Variants in ZFPM2 observed in about 807,000 individuals in gnomAD.
ZFPM2 encodes zinc finger protein, FOG family member 2, also known as zinc finger protein ZFPM2.
Under a neutral mutation model 98.6 loss-of-function variants are expected in ZFPM2, and 20 were observed. That is an observed-to-expected ratio of 0.20 (90% confidence interval 0.14 to 0.29). ZFPM2 has a LOEUF of 0.29. ZFPM2 is among the 10% of genes least tolerant of loss of function. The probability of loss-of-function intolerance (pLI) is 1.00; values close to 1 mark genes in which losing one functional copy is unlikely to be tolerated. For synonymous variants in ZFPM2, 518 were observed against 502.7 expected (o/e 1.03, Z -0.41); for missense variants, 1,310 against 1,388.6 (o/e 0.94, Z 0.90).
At chr8:105,518,729 T>C (rs1170716941) in intron 3 of ZFPM2, among the ~76,000 whole-genome samples, 9 of 152,224 alleles carry the variant, frequency 5.9e-5, no homozygotes, top group Non-Finnish European at 1.2e-4. Context: ...TTGAAAAATA[T>C]GTACTAGACA....
chr8:105,347,156 G>A (rs976576713), intron 1 of ZFPM2, among the ~76,000 whole-genome samples: 1 of 151,328 alleles, frequency 6.6e-6, no homozygotes, highest in Non-Finnish European at 1.5e-5. Context: ...AAACCCTTAG[G>A]TGTCAGATAG....
At chr8:105,528,140 C>A (rs560610298) in intron 3 of ZFPM2, among the ~76,000 whole-genome samples, 18 of 152,036 alleles carry the variant, frequency 1.2e-4, no homozygotes, top group Non-Finnish European at 2.4e-4. Flanking sequence ...GCCCTGAGCC[C>A]AGGTGGGAGA....
At position 105,507,346 on chromosome 8, in the gene ZFPM2, T is replaced by C. The variant is rs576619825; in HGVS notation, c.302-54017T>C. Among the ~76,000 whole-genome samples the C allele has an allele frequency of 2.6e-5, 4 of 152,308 alleles. No homozygotes were observed. The South Asian group carries it at 8.3e-4, about 32-fold the overall frequency. On this transcript the variant is annotated intron_variant, in intron 3 of 7. Transcript: ENST00000407775. ...AATGTGAGAATTTCTTCATGAATCC[T>C]TTTATTCAAACATGAAGAAATTATT...
chr8:105,362,679 CCT>C (rs1416217058), intron 1 of ZFPM2, among the ~76,000 whole-genome samples: 2 of 152,002 alleles, frequency 1.3e-5, no homozygotes, highest in African/African-American at 2.4e-5. Flanking sequence ...ATGGTGTTCC[CCT>C]GAGTGAATAA....
chr8:105,799,802 G>A (rs1329729322), intron 7 of ZFPM2, among the ~76,000 whole-genome samples: 1 of 152,038 alleles, frequency 6.6e-6, no homozygotes, highest in Non-Finnish European at 1.5e-5. Flanking sequence ...GACACCTCTG[G>A]GTGACTTTCT....
chr8:105,471,779 G>C (rs1468435631), intron 3 of ZFPM2, among the ~76,000 whole-genome samples: 2 of 152,116 alleles, frequency 1.3e-5, no homozygotes, highest in Non-Finnish European at 2.9e-5. Flanking sequence ...AAGAATTTCA[G>C]TTCTTATTAG....
At chr8:105,378,238 G>A (rs1810769091) in intron 1 of ZFPM2, among the ~76,000 whole-genome samples, 2 of 152,244 alleles carry the variant, frequency 1.3e-5, no homozygotes, top group South Asian at 4.1e-4. Context: ...AGAAGAACTG[G>A]GGGTGAACTA....
chr8:105,426,957 A>AAAC (rs1811926027), intron 2 of ZFPM2, among the ~76,000 whole-genome samples: 1 of 152,122 alleles, frequency 6.6e-6, no homozygotes, highest in Non-Finnish European at 1.5e-5. Context: ...ACTCCACCTG[A>AAAC]AAACAAAAAA....
chr8:105,405,687 C>T (rs1221073195), intron 1 of ZFPM2, among the ~76,000 whole-genome samples: 1 of 151,958 alleles, frequency 6.6e-6, no homozygotes, highest in Admixed American at 6.6e-5. Context: ...CATTGTTGGA[C>T]ATTTGGGTTG....
chr8:105,651,257 G>GAGAGCCTCATCTGTTACTC (rs1817167892), intron 5 of ZFPM2, among the ~76,000 whole-genome samples: 1 of 151,728 alleles, frequency 6.6e-6, no homozygotes, highest in Non-Finnish European at 1.5e-5. Flanking sequence ...ATCTGTTACT[G>GAGAGCCTCATCTGTTACTC]CTCTTCCCCA....
chr8:105,540,643 C>T (rs983697359), intron 3 of ZFPM2, among the ~76,000 whole-genome samples: 2 of 152,084 alleles, frequency 1.3e-5, no homozygotes, highest in African/African-American at 4.8e-5. Flanking sequence ...TAAAAATGCT[C>T]AGTCCACTTA....
At chr8:105,595,479 G>T (rs1406216991) in intron 4 of ZFPM2, among the ~76,000 whole-genome samples, 1 of 152,074 alleles carries the variant, frequency 6.6e-6, no homozygotes, top group Admixed American at 6.6e-5. Flanking sequence ...CCCACAGAAG[G>T]CTTCCAGAAG....
intron 4 of ZFPM2, among the ~76,000 whole-genome samples, chr8:105,613,222 A>G (rs1816342368): frequency 6.6e-6 from 1 of 152,112 alleles, no homozygotes; most frequent in South Asian, 2.1e-4. Flanking sequence ...GAGGCTTGTA[A>G]TGATACTGCA....
chr8:105,711,086 T>A (rs1811383199), intron 5 of ZFPM2, among the ~76,000 whole-genome samples: 1 of 152,092 alleles, frequency 6.6e-6, no homozygotes. Flanking sequence ...AAGGTAGGTG[T>A]CAGCAAACTA....
intron 5 of ZFPM2, among the ~76,000 whole-genome samples, chr8:105,653,199 C>G (rs577027493): frequency 6.6e-6 from 1 of 152,226 alleles, no homozygotes; most frequent in South Asian, 2.1e-4. Context: ...TTAAACATCA[C>G]TGTTTAAGTT....
chr8:105,432,337 T>C (rs1812037280), intron 2 of ZFPM2, among the ~76,000 whole-genome samples: 1 of 152,096 alleles, frequency 6.6e-6, no homozygotes, highest in South Asian at 2.1e-4. Context: ...CATTCATCAT[T>C]AGAGTGTTTG....
intron 5 of ZFPM2, among the ~76,000 whole-genome samples, chr8:105,644,532 C>T (rs559521448): frequency 5.3e-5 from 8 of 152,116 alleles, no homozygotes; most frequent in African/African-American, 1.2e-4. Context: ...CTCTCTCCCT[C>T]GCTCCCCATA....
intron 3 of ZFPM2, among the ~76,000 whole-genome samples, chr8:105,494,316 C>A (rs1813419011): frequency 6.7e-6 from 1 of 148,940 alleles, no homozygotes. Flanking sequence ...CCGTGGAAAC[C>A]ATCACCATCT....
chr8:105,788,979 G>A, intron 6 of ZFPM2, 55 bp downstream of exon 6: 2 of 1,408,582 alleles, frequency 1.4e-6, no homozygotes, highest in Admixed American at 2.3e-5. Context: ...ATTTATGGGA[G>A]AAAAAAATGT....
Sources: allele counts gnomAD v4.1 joint callset (sites outside exome capture counted in the v4.1 genomes callset), GRCh38; gene constraint gnomAD v4.1.1; transcripts MANE v1.5; gene names NCBI Gene and HGNC (gene_info 2026-07-23, HGNC 2026-07-21).